MGMT: variants seen among roughly 807,000 people sequenced by gnomAD.
The protein encoded by MGMT is methylated-DNA--protein-cysteine methyltransferase.
MGMT carries 14 observed loss-of-function variants against 15.9 expected under a neutral mutation model. The ratio of observed to expected loss-of-function variants is 0.88; its 90% CI spans 0.58 to 1.37. The LOEUF (loss-of-function observed/expected upper bound fraction) is 1.37, where lower values mean the gene tolerates loss of function less well. Among genes scored for constraint, MGMT ranks in the 40% most tolerant of loss-of-function variants. The probability of loss-of-function intolerance (pLI) is 0.00; values close to 1 mark genes in which losing one functional copy is unlikely to be tolerated. For missense variants in MGMT, 282 were observed against 268.1 expected (o/e 1.05, Z -0.36); for synonymous variants, 130 against 118.2 (o/e 1.10, Z -0.65).
At chr10:129,497,656 A>G (rs1217472708) in intron 1 of MGMT, among the ~76,000 whole-genome samples, 1 of 152,150 alleles carries the variant, frequency 6.6e-6, no homozygotes, top group Non-Finnish European at 1.5e-5. Context: ...CCTCTAGTGC[A>G]ATGGTCTGAA....
intron 2 of MGMT, among the ~76,000 whole-genome samples, chr10:129,571,866 A>G (rs1846423622): frequency 1.3e-5 from 2 of 152,240 alleles, no homozygotes; most frequent in South Asian, 4.1e-4. Flanking sequence ...ATGCATCAGA[A>G]TACAATATAA....
chr10:129,571,287 G>A (rs1373254370), intron 2 of MGMT, among the ~76,000 whole-genome samples: 4 of 152,102 alleles, frequency 2.6e-5, no homozygotes, highest in East Asian at 3.9e-4. Context: ...TGATACAGGC[G>A]ATATTTCCTG....
chr10:129,738,527 C>A (rs956707963), intron 3 of MGMT, among the ~76,000 whole-genome samples: 4 of 152,240 alleles, frequency 2.6e-5, no homozygotes, highest in African/African-American at 9.6e-5. Flanking sequence ...GCGTCGCTCA[C>A]ACTGGGAGCT....
At chr10:129,502,481 T>C (rs1845584302) in intron 1 of MGMT, among the ~76,000 whole-genome samples, 1 of 152,154 alleles carries the variant, frequency 6.6e-6, no homozygotes, top group African/African-American at 2.4e-5. Context: ...TGGTATTTGC[T>C]TTTTGATTAA....
intron 1 of MGMT, among the ~76,000 whole-genome samples, chr10:129,531,035 G>A (rs1845925640): frequency 6.6e-6 from 1 of 152,202 alleles, no homozygotes; most frequent in African/African-American, 2.4e-5. Flanking sequence ...GGCTCAGGCT[G>A]GGGTGCTGTC....
chr10:129,619,598 G>C (rs1847067917), intron 2 of MGMT, among the ~76,000 whole-genome samples: 2 of 151,698 alleles, frequency 1.3e-5, no homozygotes, highest in African/African-American at 4.8e-5. Context: ...AAAACATCTG[G>C]GCCTGGAATT....
At chr10:129,549,179 TC>T in intron 2 of MGMT, among the ~76,000 whole-genome samples, 1 of 152,164 alleles carries the variant, frequency 6.6e-6, no homozygotes, top group Non-Finnish European at 1.5e-5. Context: ...GAATGGTTGA[TC>T]CATTTCCTTC....
chr10:129,652,585 C>T (rs1847473863), intron 2 of MGMT, among the ~76,000 whole-genome samples: 1 of 152,258 alleles, frequency 6.6e-6, no homozygotes, highest in Non-Finnish European at 1.5e-5. Flanking sequence ...CATCGGCACT[C>T]AGAGTCCCCA....
At chr10:129,561,076 A>G (rs1846272465) in intron 2 of MGMT, among the ~76,000 whole-genome samples, 1 of 151,962 alleles carries the variant, frequency 6.6e-6, no homozygotes, top group African/African-American at 2.4e-5. Context: ...CGCCATTGAG[A>G]CGGGCTGGGA....
intron 2 of MGMT, among the ~76,000 whole-genome samples, chr10:129,648,070 G>A (rs1397448466): frequency 6.6e-6 from 1 of 152,068 alleles, no homozygotes; most frequent in Non-Finnish European, 1.5e-5. Context: ...GTGAATTTCT[G>A]GAGGAAATAA....
chr10:129,489,614 C>T (rs1845447572), intron 1 of MGMT, among the ~76,000 whole-genome samples: 1 of 151,844 alleles, frequency 6.6e-6, no homozygotes, highest in African/African-American at 2.4e-5. Context: ...CTCTTGCACT[C>T]TCTGTCTCTC....
Position 129,575,104 on chromosome 10 carries a change from C to T in MGMT, c.125+38727C>T, listed in dbSNP as rs929572844. 1.4e-4 allele frequency among the ~76,000 whole-genome samples: 22 copies of T among 152,194 alleles called. 1 individual carries two copies. Among genetic ancestry groups the T allele is most frequent in the Admixed American group, 4.6e-4 (7 of 15,274 alleles). On this transcript the variant is annotated intron_variant, in intron 2 of 4. Transcript: ENST00000651593. ...ATAATGGGAGACTTTAACACCCCACCGTTAACATTAGACAGATCAACAAGA... is the reference window on the plus strand; with the variant it reads ...ATAATGGGAGACTTTAACACCCCACTGTTAACATTAGACAGATCAACAAGA...
At position 129,533,055 on chromosome 10, in the gene MGMT, A is replaced by G. The variant is rs1469207124; in HGVS notation, c.-12-3186A>G. On this transcript the variant is annotated intron_variant, in intron 1 of 4. Transcript: ENST00000651593. This position sits in a 1 kb window ranked among gnomAD's most constrained non-coding sequence, Gnocchi z 4.5. Reference sequence around the variant, plus strand: ...GGAGCAGGTCCCACGGAGGCAGAGCAGCCGAGAATCAACGGTGGCCATAGC... The same window carrying G: ...GGAGCAGGTCCCACGGAGGCAGAGCGGCCGAGAATCAACGGTGGCCATAGC... Among the ~76,000 whole-genome samples the G allele has an allele frequency of 6.6e-6, 1 of 152,246 alleles. No individual in the cohort carries two copies. Among genetic ancestry groups the G allele is most frequent in the Non-Finnish European group, 1.5e-5 (1 of 68,038 alleles).
intron 3 of MGMT, among the ~76,000 whole-genome samples, chr10:129,719,376 G>A (rs1044727950): frequency 1.3e-5 from 2 of 152,332 alleles, no homozygotes; most frequent in South Asian, 2.1e-4. Context: ...GGGCAACCTC[G>A]GGAAACACTC....
In MGMT at chr10:129,572,095, C is replaced by A. The variant is rs183796849; in HGVS notation, c.125+35718C>A. ...TCTGGGATTGATAAACATATGTAAA[C>A]CATGCTGACCATCTAAGTGTTGCTT... On this transcript the variant is annotated intron_variant, in intron 2 of 4. Coordinates refer to ENST00000651593, the MANE Select transcript of MGMT (RefSeq NM_002412.5). 6.7e-4 allele frequency among the ~76,000 whole-genome samples: 102 copies of A among 152,286 alleles called. 1 individual carries two copies. Among genetic ancestry groups the A allele is most frequent in the Middle Eastern group, 3.4e-3 (1 of 294 alleles).
chr10:129,646,725 T>TAC lies in MGMT; in HGVS notation c.126-61169_126-61168insCA, dbSNP rs1449947659. ...AAGCCTGCTGCCCATCAGAAATATA[T>TAC]ATATATATATATATATATATATATA... On this transcript the variant is annotated intron_variant, in intron 2 of 4. Transcript: ENST00000651593. Among the ~76,000 whole-genome samples the TAC allele has an allele frequency of 2.5e-3, 71 of 28,558 alleles. 1 individual carries two copies. Among genetic ancestry groups the TAC allele is most frequent in the African/African-American group, 9.5e-3 (70 of 7,382 alleles). 18.7% of individuals were successfully genotyped at this position (28,558 alleles called of 152,430 possible).
chr10:129,475,106 G>A (rs1278491371), intron 1 of MGMT, among the ~76,000 whole-genome samples: 1 of 152,096 alleles, frequency 6.6e-6, no homozygotes, highest in African/African-American at 2.4e-5. Flanking sequence ...AGGTGGCAAG[G>A]TCTGGGGAGG....
intron 2 of MGMT, among the ~76,000 whole-genome samples, chr10:129,645,020 A>C (rs913230799): frequency 2.3e-4 from 35 of 152,136 alleles, no homozygotes; most frequent in African/African-American, 5.8e-4. Flanking sequence ...ACTAAGCTCA[A>C]GTCAGGGTTT....
At chr10:129,752,942 A>C (rs1329275684) in intron 3 of MGMT, among the ~76,000 whole-genome samples, 6 of 152,284 alleles carry the variant, frequency 3.9e-5, no homozygotes, top group Non-Finnish European at 8.8e-5. Context: ...AAGTATATGG[A>C]TAACTATAAC....
Sources: gnomAD v4.1 joint callset for allele counts (sites outside exome capture counted in the v4.1 genomes callset) on GRCh38, gnomAD v4.1.1 for gene constraint, Gnocchi (gnomAD v3.1) non-coding constraint, MANE v1.5 for transcripts, NCBI Gene and HGNC (gene_info 2026-07-23, HGNC 2026-07-21) for gene names.